Variants in GALNTL6 observed in about 807,000 individuals in gnomAD.
The protein encoded by GALNTL6 is polypeptide N-acetylgalactosaminyltransferase like 6.
Under a neutral mutation model 73.7 loss-of-function variants are expected in GALNTL6, and 46 were observed. The ratio of observed to expected loss-of-function variants is 0.62; its 90% confidence interval spans 0.49 to 0.80. GALNTL6 has a LOEUF of 0.80. Ranked by LOEUF, GALNTL6 falls within the 30% of genes least tolerant of loss-of-function variation. The pLI, the probability that GALNTL6 is intolerant of heterozygous loss-of-function variation, is 0.00. For synonymous variants in GALNTL6, 259 were observed against 263.7 expected, an observed-to-expected ratio of 0.98 and a Z score of 0.17; for missense variants, 604 against 755.0, an observed-to-expected ratio of 0.80 and a Z score of 2.34.
chr4:173,036,764 G>C (rs867075305), intron 12 of GALNTL6, among the ~76,000 whole-genome samples: 2 of 152,158 alleles, frequency 1.3e-5, no homozygotes, highest in Non-Finnish European at 2.9e-5. Flanking sequence ...GCACAGAAAG[G>C]ACATCTTCTA....
intron 7 of GALNTL6, among the ~76,000 whole-genome samples, chr4:172,837,592 A>G (rs1742980695): frequency 6.6e-6 from 1 of 152,232 alleles, no homozygotes; most frequent in African/African-American, 2.4e-5. Context: ...AAAAATTAGA[A>G]GAGAATAAGA....
intron 2 of GALNTL6, among the ~76,000 whole-genome samples, chr4:172,029,881 C>G (rs968616021): frequency 2.1e-4 from 32 of 151,992 alleles, no homozygotes; most frequent in African/African-American, 7.5e-4. Flanking sequence ...AGACCAAGCC[C>G]TATAGGTAAC....
At chr4:172,085,273 G>T (rs940729191) in intron 2 of GALNTL6, among the ~76,000 whole-genome samples, 2 of 152,068 alleles carry the variant, frequency 1.3e-5, no homozygotes, top group African/African-American at 2.4e-5. Flanking sequence ...TGTATAAATT[G>T]GTTACTTTTT....
At chr4:171,923,477 A>G (rs1475420876) in intron 2 of GALNTL6, among the ~76,000 whole-genome samples, 1 of 147,050 alleles carries the variant, frequency 6.8e-6, no homozygotes, top group Non-Finnish European at 1.5e-5. Flanking sequence ...GGCTCACTGC[A>G]AGCTCAGCCT....
chr4:172,395,600 A>AT (rs552218860), intron 5 of GALNTL6, among the ~76,000 whole-genome samples: 25 of 152,236 alleles, frequency 1.6e-4, no homozygotes, highest in African/African-American at 5.8e-4. Flanking sequence ...GAGATATCAG[A>AT]CCTTTGACGA....
chr4:172,028,005 T>C (rs781762445), intron 2 of GALNTL6, among the ~76,000 whole-genome samples: 9 of 152,078 alleles, frequency 5.9e-5, no homozygotes, highest in Non-Finnish European at 1.2e-4. Flanking sequence ...ATGTAGAAGC[T>C]ATAGCAGATT....
At chr4:172,054,378 CTT>C (rs1560902580) in intron 2 of GALNTL6, among the ~76,000 whole-genome samples, 1 of 152,040 alleles carries the variant, frequency 6.6e-6, no homozygotes, top group African/African-American at 2.4e-5. Context: ...TGCAAAGTGT[CTT>C]AGTTTATTTA....
intron 2 of GALNTL6, among the ~76,000 whole-genome samples, chr4:171,834,320 A>G (rs958381449): frequency 6.6e-6 from 1 of 152,012 alleles, no homozygotes; most frequent in African/African-American, 2.4e-5. Context: ...CCAAAACCAC[A>G]CAATGAGTTA....
chr4:172,661,502 G>A (rs837201), intron 5 of GALNTL6, among the ~76,000 whole-genome samples: 2,728 of 152,080 alleles, frequency 0.018, 75 homozygotes, highest in African/African-American at 0.056. Context: ...ATGAACTTCA[G>A]GAATGCAGAA....
At chr4:172,659,069 C>T (rs1731234722) in intron 5 of GALNTL6, among the ~76,000 whole-genome samples, 1 of 152,200 alleles carries the variant, frequency 6.6e-6, no homozygotes, top group Non-Finnish European at 1.5e-5. Context: ...AATCCTATCT[C>T]ATCCACACAA....
At chr4:172,656,459 G>A (rs1359565399) in intron 5 of GALNTL6, among the ~76,000 whole-genome samples, 3 of 152,158 alleles carry the variant, frequency 2.0e-5, no homozygotes, top group Admixed American at 6.5e-5. Flanking sequence ...CTGAGTAAAC[G>A]ATATGAACAT....
At chr4:171,852,192 CT>C (rs1285157906) in intron 2 of GALNTL6, among the ~76,000 whole-genome samples, 1 of 152,052 alleles carries the variant, frequency 6.6e-6, no homozygotes, top group African/African-American at 2.4e-5. Context: ...AAAACACCTG[CT>C]TTTTTTTCTG....
intron 8 of GALNTL6, among the ~76,000 whole-genome samples, chr4:172,921,785 C>A (rs1579657358): frequency 6.8e-6 from 1 of 147,580 alleles, no homozygotes; most frequent in African/African-American, 2.5e-5. Flanking sequence ...CAGAGCAAGA[C>A]CTTGTCTCAA....
At chr4:172,661,768 C>G (rs1404887875) in intron 5 of GALNTL6, among the ~76,000 whole-genome samples, 1 of 152,136 alleles carries the variant, frequency 6.6e-6, no homozygotes, top group East Asian at 1.9e-4. Context: ...CAGAAATAGG[C>G]AACTAGTCCT....
chr4:173,025,597 C>A (rs765783367), intron 12 of GALNTL6, among the ~76,000 whole-genome samples: 12 of 152,196 alleles, frequency 7.9e-5, no homozygotes, highest in Non-Finnish European at 1.5e-4. Context: ...ATCTTCCACC[C>A]TGAAGCCAGA....
At chr4:171,907,500 C>A (rs1419697275) in intron 2 of GALNTL6, among the ~76,000 whole-genome samples, 1 of 151,546 alleles carries the variant, frequency 6.6e-6, no homozygotes, top group Non-Finnish European at 1.5e-5. Flanking sequence ...AAAGAGGATA[C>A]AAACAAATGG....
In GALNTL6 at chr4:172,366,524, G is replaced by C. The variant is rs1166593801; in HGVS notation, c.553+17835G>C. On this transcript the variant is annotated intron_variant, in intron 5 of 12. Transcript: ENST00000506823. The stretch of plus-strand genomic sequence containing the variant: ...ACTGATTGCCAAACATAGATGAATT[G>C]AGGAGACTTATGAAAGGTCTCCTCA... Among the ~76,000 whole-genome samples, 3 of 151,972 alleles carry C rather than the reference G, an allele frequency of 2.0e-5. No individual in the cohort carries two copies. In the East Asian group the frequency reaches 5.8e-4, roughly 29 times the overall value.
chr4:172,992,632 C>T (rs1751591217), intron 10 of GALNTL6, among the ~76,000 whole-genome samples: 1 of 152,090 alleles, frequency 6.6e-6, no homozygotes, highest in Non-Finnish European at 1.5e-5. Flanking sequence ...GAATCTGCTG[C>T]TTTTAATTTT....
intron 5 of GALNTL6, among the ~76,000 whole-genome samples, chr4:172,470,712 C>A (rs1163477863): frequency 1.3e-5 from 2 of 152,162 alleles, no homozygotes; most frequent in East Asian, 3.8e-4. Context: ...TGGCTTCTTA[C>A]AATTAACCAC....
Sources: gnomAD v4.1 joint callset for allele counts (sites outside exome capture counted in the v4.1 genomes callset) on GRCh38, gnomAD v4.1.1 for gene constraint, MANE v1.5 for transcripts, NCBI Gene and HGNC (gene_info 2026-07-23, HGNC 2026-07-21) for gene names.